Variants in CCDC7 observed in about 807,000 individuals in gnomAD.
CCDC7 encodes coiled-coil domain containing 7.
In CCDC7, 183 loss-of-function variants were observed where a neutral mutation model predicts 196.9. The ratio of observed to expected loss-of-function variants is 0.93; its 90% CI spans 0.82 to 1.05. CCDC7 has a LOEUF of 1.05. Among genes scored for constraint, CCDC7 ranks in the 50% least tolerant of loss-of-function variants. The probability of loss-of-function intolerance (pLI) is 0.00; values close to 1 mark genes in which losing one functional copy is unlikely to be tolerated. For missense variants in CCDC7, 1,540 were observed against 1,482.2 expected, an observed-to-expected ratio of 1.04 and a Z score of -0.64; for synonymous variants, 525 against 484.6, an observed-to-expected ratio of 1.08 and a Z score of -1.10.
exon 1 of CCDC7, chr10:32,451,828 T>A: frequency 6.2e-7 from 1 of 1,614,178 alleles, no homozygotes. Context: ...GAGAATCCAT[T>A]TTACGGTATG....
chr10:32,785,171 A>G (rs1227868834), intron 29 of CCDC7, among the ~76,000 whole-genome samples: 1 of 152,228 alleles, frequency 6.6e-6, no homozygotes, highest in Non-Finnish European at 1.5e-5. Flanking sequence ...TAGACATATT[A>G]AACAGATACT....
At chr10:32,446,089 A>C, upstream of CCDC7, 2 of 152,182 alleles carry the variant, frequency 1.3e-5, no homozygotes, top group South Asian at 4.1e-4. Flanking sequence ...AGCGTCAGCG[A>C]CGCCGGCGGC....
chr10:32,477,891 A>G (rs2039301446), intron 8 of CCDC7, among the ~76,000 whole-genome samples: 1 of 152,320 alleles, frequency 6.6e-6, no homozygotes, highest in Non-Finnish European at 1.5e-5. Flanking sequence ...TGGGATTTTG[A>G]TTGAGATTGC....
At chr10:32,848,131 T>C (rs1401026117) in intron 38 of CCDC7, among the ~76,000 whole-genome samples, 1 of 152,068 alleles carries the variant, frequency 6.6e-6, no homozygotes, top group Non-Finnish European at 1.5e-5. Flanking sequence ...AAATATGAGG[T>C]TTATAATTCT....
chr10:32,566,167 G>A (rs2056759087), intron 14 of CCDC7, among the ~76,000 whole-genome samples: 1 of 152,120 alleles, frequency 6.6e-6, no homozygotes, highest in Non-Finnish European at 1.5e-5. Context: ...TAGTATTTGT[G>A]GTTGTATGCT....
At chr10:32,653,618 G>T (rs1375047892) in intron 20 of CCDC7, among the ~76,000 whole-genome samples, 1 of 152,110 alleles carries the variant, frequency 6.6e-6, no homozygotes, top group Non-Finnish European at 1.5e-5. Context: ...CCTCCATCTT[G>T]CTCTGGTGAT....
intron 18 of CCDC7, 110 bp downstream of exon 19, chr10:32,584,414 T>G: frequency 1.5e-6 from 1 of 659,306 alleles, no homozygotes; most frequent in Non-Finnish European, 2.5e-6. Context: ...ACAAACAACT[T>G]GTTAGGGAGT....
intron 28 of CCDC7, among the ~76,000 whole-genome samples, chr10:32,767,643 A>G (rs1225236676): frequency 6.6e-6 from 1 of 151,890 alleles, no homozygotes; most frequent in East Asian, 1.9e-4. Context: ...CTGAAGAAGG[A>G]TGGGTACGAG....
intron 21 of CCDC7, among the ~76,000 whole-genome samples, chr10:32,664,779 A>C (rs778921825): frequency 9.9e-5 from 15 of 152,040 alleles, no homozygotes; most frequent in Admixed American, 2.6e-4. Context: ...TGAACATGGG[A>C]GTACAAATAT....
At chr10:32,610,942 A>T (rs1414428409) in intron 18 of CCDC7, among the ~76,000 whole-genome samples, 1 of 152,166 alleles carries the variant, frequency 6.6e-6, no homozygotes, top group Admixed American at 6.5e-5. Flanking sequence ...ATACCCAGTA[A>T]TGGGATTGCT....
downstream of CCDC7, chr10:32,877,129 A>C (rs1436762457): frequency 6.6e-6 from 1 of 152,122 alleles, no homozygotes; most frequent in Non-Finnish European, 1.5e-5. Flanking sequence ...AATAAAGTGA[A>C]ATAAAATGAC....
chr10:32,482,881 C>G (rs2040253982), intron 8 of CCDC7, among the ~76,000 whole-genome samples: 1 of 152,196 alleles, frequency 6.6e-6, no homozygotes, highest in South Asian at 2.1e-4. Context: ...GCCACATTTT[C>G]TTAATCCAGT....
intron 24 of CCDC7, among the ~76,000 whole-genome samples, chr10:32,711,128 A>ATG (rs1284219237): frequency 1.4e-5 from 2 of 146,010 alleles, no homozygotes; most frequent in African/African-American, 5.3e-5. Context: ...GTGTGTGTGT[A>ATG]TATATATATA....
chr10:32,705,246 T>A (rs1389385700), intron 24 of CCDC7, among the ~76,000 whole-genome samples: 4 of 151,978 alleles, frequency 2.6e-5, no homozygotes, highest in African/African-American at 9.7e-5. Flanking sequence ...AGAAATAAAA[T>A]CCTTTACAGA....
At chr10:32,448,299 A>G (rs995326533), upstream of CCDC7, among the ~76,000 whole-genome samples, 2 of 151,726 alleles carry the variant, frequency 1.3e-5, no homozygotes, top group Non-Finnish European at 2.9e-5. Context: ...GGCCCCATAT[A>G]TATTATATAT....
chr10:32,689,741 TG>T (rs373834365), intron 23 of CCDC7, among the ~76,000 whole-genome samples: 16 of 115,910 alleles, frequency 1.4e-4, no homozygotes, highest in Non-Finnish European at 2.2e-4. Context: ...GCTGGGCTTG[TG>T]TTTTTTTTTT....
At chr10:32,758,613 A>G (rs1023616193) in intron 28 of CCDC7, among the ~76,000 whole-genome samples, 2 of 151,962 alleles carry the variant, frequency 1.3e-5, no homozygotes, top group African/African-American at 4.8e-5. Context: ...ATAATGAGAT[A>G]TTTATGACAA....
At chr10:32,452,342 G>T (rs1431245042) in intron 1 of CCDC7, among the ~76,000 whole-genome samples, 2 of 152,138 alleles carry the variant, frequency 1.3e-5, no homozygotes, top group Non-Finnish European at 2.9e-5. Flanking sequence ...TCAGTGAATG[G>T]GGAGAACCCT....
intron 5 of CCDC7, among the ~76,000 whole-genome samples, chr10:32,467,155 G>A (rs540645731): frequency 6.6e-6 from 1 of 151,370 alleles, no homozygotes; most frequent in East Asian, 1.9e-4. Flanking sequence ...AGGCTGGAGT[G>A]CAGTGACACA....
Sources: allele counts gnomAD v4.1 joint callset (sites outside exome capture counted in the v4.1 genomes callset), GRCh38; gene constraint gnomAD v4.1.1; transcripts MANE v1.5; gene names NCBI Gene and HGNC (gene_info 2026-07-23, HGNC 2026-07-21).